Variants in DLAT observed in about 807,000 individuals in gnomAD.
The protein encoded by DLAT is dihydrolipoamide S-acetyltransferase.
In DLAT, 43 loss-of-function variants were observed where a neutral mutation model predicts 68.0. The ratio of observed to expected loss-of-function variants is 0.63; its 90% CI spans 0.50 to 0.81. DLAT has a LOEUF of 0.81. Among genes scored for constraint, DLAT ranks in the 40% least tolerant of loss-of-function variants. The pLI, the probability that DLAT is intolerant of heterozygous loss-of-function variation, is 0.00. For synonymous variants in DLAT, 265 were observed against 288.6 expected, an observed-to-expected ratio of 0.92 and a Z score of 0.83; for missense variants, 745 against 815.4, an observed-to-expected ratio of 0.91 and a Z score of 1.05.
At chr11:112,034,883 C>T (rs1259057548) in intron 5 of DLAT, among the ~76,000 whole-genome samples, 1 of 151,744 alleles carries the variant, frequency 6.6e-6, no homozygotes, top group East Asian at 1.9e-4. Context: ...AAGCAATTCT[C>T]CTGCCTCAGC....
intron 5 of DLAT, among the ~76,000 whole-genome samples, chr11:112,036,473 A>G (rs1482542290): frequency 6.6e-6 from 1 of 151,882 alleles, no homozygotes; most frequent in Admixed American, 6.6e-5. Context: ...TCGGTCTCCC[A>G]AAGTGCTGGG....
rs1222557169 is a variant in DLAT at position 112,051,574 on chromosome 11, G to T, written c.1514+225G>T. 2.0e-5 allele frequency among the ~76,000 whole-genome samples: 3 copies of T among 151,916 alleles called. No homozygotes were observed. The highest frequency in any genetic ancestry group is 4.4e-5 in the Non-Finnish European group (3 of 67,990). ...CCTTGTTTTTGTTTTTGTTTTTGTT[G>T]TTGTTGTTGATTTATTTTTTAAAGA... On this transcript the variant is annotated intron_variant, in intron 11 of 13. Transcript: ENST00000280346. The surrounding 1 kb of genome is among the most constrained non-coding windows in gnomAD (Gnocchi z 4.3).
At chr11:112,040,829 C>A (rs587609715) in intron 7 of DLAT, among the ~76,000 whole-genome samples, 1 of 151,100 alleles carries the variant, frequency 6.6e-6, no homozygotes. Context: ...TTTAGACAAG[C>A]AAAGAAGGAC....
intron 11 of DLAT, among the ~76,000 whole-genome samples, chr11:112,055,235 ATTTTTTTTTTTTTT>A (rs66865041): frequency 5.3e-5 from 4 of 75,444 alleles, no homozygotes; most frequent in East Asian, 8.0e-4. Context: ...GTCAAGGCCT[ATTTTTTTTTTTTTT>A]TTTTTTTTTT....
intron 8 of DLAT, 46 bp downstream of exon 8, chr11:112,043,579 G>A (rs1863154261): frequency 6.8e-7 from 1 of 1,462,076 alleles, no homozygotes; most frequent in Non-Finnish European, 9.6e-7. Context: ...TGTCTCTACA[G>A]CCTGTTAGAC....
chr11:112,037,985 T>G (rs1555180703), intron 6 of DLAT, among the ~76,000 whole-genome samples: 1 of 152,170 alleles, frequency 6.6e-6, no homozygotes, highest in African/African-American at 2.4e-5. Flanking sequence ...TGCCTAGAAT[T>G]TATTATATCA....
chr11:112,034,212 A>G (rs1195522733), intron 5 of DLAT, among the ~76,000 whole-genome samples: 4 of 152,230 alleles, frequency 2.6e-5, no homozygotes, highest in Non-Finnish European at 4.4e-5. Flanking sequence ...AAGGAAGTCA[A>G]GAAGAAACAG....
intron 4 of DLAT, chr11:112,029,814 C>T: frequency 1.8e-6 from 1 of 564,326 alleles, no homozygotes; most frequent in South Asian, 1.4e-5. Context: ...AAGGGAAGGC[C>T]TAATTCAGTC....
At chr11:112,055,196 T>TTAA (rs1454547018) in intron 11 of DLAT, among the ~76,000 whole-genome samples, 45 of 151,984 alleles carry the variant, frequency 3.0e-4, no homozygotes, top group African/African-American at 9.9e-4. Flanking sequence ...AATGGCTTGC[T>TTAA]TAAGGCATTG....
rs1471016148 is a variant in DLAT, at chr11:112,045,885, A to G, written c.1313A>G (p.Gln438Arg). 7.4e-6 allele frequency: 12 copies of G among 1,611,028 alleles called. No individual in the cohort carries two copies. The Admixed American group carries it at 2.0e-4, about 27-fold the overall frequency. ...IRRVIAQRLM[Q>R]SKQTIPHYYL... ...CAGGTTATTGCACAGCGATTAATGC[A>G]ATCAAAGCAAACCATACCTCATTAT... The change falls in exon 10 of 14, where the codon CAA (glutamine) becomes CGA (arginine). Residue 438 changes from glutamine (Q) to arginine (R), a missense_variant. Coordinates refer to ENST00000280346, the MANE Select transcript of DLAT (RefSeq NM_001931.5).
chr11:112,025,900 C>T lies in DLAT; in HGVS notation c.279+149C>T. 4.9e-6 allele frequency: 5 copies of T among 1,023,476 alleles called. No individual in the cohort carries two copies. In the South Asian group the frequency reaches 8.2e-5, roughly 17 times the overall value. 63.4% of individuals were successfully genotyped at this position (1,023,476 alleles called of 1,614,324 possible). A position where few individuals can be genotyped will look rare whatever the true frequency, so the allele number is the denominator to read the frequency against. On this transcript the variant is annotated intron_variant, in intron 1 of 13. Transcript: ENST00000280346. ...TGTCCAATAGTTGGCTTTGCTGTAG[C>T]TCCTTAGTGTCCCTCTCATGATCTA... is the stretch of plus-strand genomic sequence containing the variant.
At chr11:112,045,385 T>A (rs1335491399) in intron 9 of DLAT, among the ~76,000 whole-genome samples, 155 bp downstream of exon 9, 5 of 152,148 alleles carry the variant, frequency 3.3e-5, no homozygotes, top group Non-Finnish European at 5.9e-5. Context: ...AATACTTGAA[T>A]CACTTTGTTC....
chr11:112,030,144 T>A (rs1304699006), intron 4 of DLAT: 2 of 695,344 alleles, frequency 2.9e-6, no homozygotes, highest in Non-Finnish European at 5.3e-6. Context: ...ATCTCCACCC[T>A]AAATCATGAA....
At position 112,064,201 on chromosome 11, in the gene DLAT, T is replaced by C; in HGVS notation, c.*1666T>C. The stretch of plus-strand genomic sequence containing the variant: ...TCAAAGATAATTCATCTTTCGCTAA[T>C]GCTTGTGGTTCTGTTGTTCCCTTGA... On this transcript the variant is annotated 3_prime_UTR_variant, in exon 14 of 14. Transcript: ENST00000280346. The C allele has an allele frequency of 6.4e-7, 1 of 1,571,446 alleles. No individual in the cohort carries two copies. The highest frequency in any genetic ancestry group is 1.2e-5 in the South Asian group (1 of 84,896).
intron 1 of DLAT, among the ~76,000 whole-genome samples, 184 bp downstream of exon 1, chr11:112,025,935 AAGG>A (rs1555179200): frequency 6.6e-6 from 1 of 152,304 alleles, no homozygotes; most frequent in African/African-American, 2.4e-5. Flanking sequence ...ATTTCATTGA[AAGG>A]AGAGCTTCAA....
At chr11:112,039,700 G>A (rs1555180874) in intron 7 of DLAT, among the ~76,000 whole-genome samples, 1 of 152,016 alleles carries the variant, frequency 6.6e-6, no homozygotes, top group African/African-American at 2.4e-5. Flanking sequence ...TTGGTTATGG[G>A]ACTTGATTAT....
At position 112,063,043 on chromosome 11, in the gene DLAT, G is replaced by T. The variant is rs1163207588; in HGVS notation, c.*508G>T. 1 of 156,830 alleles carries T rather than the reference G, an allele frequency of 6.4e-6. No individual in the cohort carries two copies. The highest frequency in any genetic ancestry group is 6.1e-5 in the Admixed American group (1 of 16,294). 9.7% of individuals were successfully genotyped at this position (156,830 alleles called of 1,614,324 possible). ...TGAAATTTTCCATTACATGATCTTG[G>T]TTTATCATCGATGGGAAGGGTAGAA... is the stretch of plus-strand genomic sequence containing the variant. On this transcript the variant is annotated 3_prime_UTR_variant, in exon 14 of 14. Transcript: ENST00000280346.
chr11:112,041,053 T>G (rs1863029685), intron 7 of DLAT, among the ~76,000 whole-genome samples: 1 of 152,186 alleles, frequency 6.6e-6, no homozygotes, highest in Non-Finnish European at 1.5e-5. Flanking sequence ...TCAGTTTCAG[T>G]TGCTTATATG....
intron 7 of DLAT, among the ~76,000 whole-genome samples, chr11:112,040,591 G>A (rs1555180949): frequency 6.6e-6 from 1 of 152,090 alleles, no homozygotes; most frequent in Non-Finnish European, 1.5e-5. Context: ...TTGCTATCTT[G>A]TAGTTAGAAG....
Sources: allele counts gnomAD v4.1 joint callset (sites outside exome capture counted in the v4.1 genomes callset), GRCh38; gene constraint gnomAD v4.1.1; non-coding constraint Gnocchi (gnomAD v3.1); transcripts MANE v1.5; gene names NCBI Gene and HGNC (gene_info 2026-07-23, HGNC 2026-07-21).